CFAP69: variants seen among roughly 807,000 people sequenced by gnomAD.
CFAP69 encodes cilia and flagella associated protein 69, also known as cilia- and flagella-associated protein 69.
In CFAP69, 92 loss-of-function variants were observed where a neutral mutation model predicts 123.0. The ratio of observed to expected loss-of-function variants is 0.75; its 90% CI spans 0.63 to 0.89. CFAP69 has a LOEUF of 0.89. CFAP69 is among the 40% of genes least tolerant of loss of function. The pLI, the probability that CFAP69 is intolerant of heterozygous loss-of-function variation, is 0.00. For missense variants in CFAP69, 1,067 were observed against 1,096.9 expected, an observed-to-expected ratio of 0.97 and a Z score of 0.39; for synonymous variants, 380 against 364.3, an observed-to-expected ratio of 1.04 and a Z score of -0.49.
chr7:90,252,030 T>A (rs1193265636), intron 1 of CFAP69: 1 of 149,106 alleles, frequency 6.7e-6, no homozygotes, highest in African/African-American at 2.5e-5. Context: ...AAAAAAAAAA[T>A]CCTGCATTGA....
intron 6 of CFAP69, chr7:90,269,993 A>G (rs17862138): frequency 0.026 from 3,916 of 152,282 alleles, 60 homozygotes; most frequent in Middle Eastern, 0.047. Flanking sequence ...AAGAAAGGGA[A>G]ACCAGTGGTG....
the CFAP69 span, among the ~76,000 whole-genome samples, chr7:90,322,885 T>C: frequency 2.0e-5 from 3 of 152,116 alleles, no homozygotes; most frequent in South Asian, 4.1e-4. Flanking sequence ...ATAAGGGTAA[T>C]TGACAGAAGA....
At position 90,262,033 on chromosome 7, in the gene CFAP69, A is replaced by C; in HGVS notation, c.333A>C (p.Ala111=). Reference sequence around the variant, plus strand: ...ACCAGCCTCGTTTTATAGAATCTGCATATGATATCATAAAACTGTGTGGGT... The same window carrying C: ...ACCAGCCTCGTTTTATAGAATCTGCCTATGATATCATAAAACTGTGTGGGT... ...IKNQPRFIES[A]YDIIKLCGLP... Residue 111 remains alanine, a synonymous_variant, in exon 4 of 23, where the codon GCA becomes GCC. Coordinates refer to ENST00000389297, the MANE Select transcript of CFAP69 (RefSeq NM_001039706.3). The C allele has an allele frequency of 3.1e-6, 5 of 1,590,224 alleles. No homozygotes were observed. Among genetic ancestry groups the C allele is most frequent in the Non-Finnish European group, 4.3e-6 (5 of 1,169,008 alleles).
intron 1 of CFAP69, among the ~76,000 whole-genome samples, chr7:90,252,964 A>G (rs1459542940): frequency 6.6e-6 from 1 of 152,214 alleles, no homozygotes; most frequent in Admixed American, 6.5e-5. Flanking sequence ...CATGGTATTA[A>G]CTAACACTAA....
intron 3 of CFAP69, among the ~76,000 whole-genome samples, chr7:90,261,477 A>AG (rs1174478044): frequency 6.6e-6 from 1 of 152,222 alleles, no homozygotes; most frequent in Non-Finnish European, 1.5e-5. Context: ...CCTTAAACAC[A>AG]GGAAAATGCA....
intron 15 of CFAP69, among the ~76,000 whole-genome samples, chr7:90,297,234 C>T (rs1792124883): frequency 6.6e-6 from 1 of 152,154 alleles, no homozygotes; most frequent in Admixed American, 6.5e-5. Flanking sequence ...CGTTAATACT[C>T]ACTGGTCAGT....
At chr7:90,263,068 A>C (rs1457143990) in intron 4 of CFAP69, among the ~76,000 whole-genome samples, 1 of 152,178 alleles carries the variant, frequency 6.6e-6, no homozygotes, top group Non-Finnish European at 1.5e-5. Context: ...AAACTTTTAA[A>C]TCTCAAGGCT....
In CFAP69 at chr7:90,258,181, A is replaced by G. The variant is rs377515692; in HGVS notation, c.246+18A>G. 2.7e-6 allele frequency: 4 copies of G among 1,471,432 alleles called. No individual in the cohort carries two copies. Among genetic ancestry groups the G allele is most frequent in the African/African-American group, 2.8e-5 (2 of 71,182 alleles). 91.1% of individuals were successfully genotyped at this position (1,471,432 alleles called of 1,614,324 possible). On this transcript the variant is annotated intron_variant, in intron 3 of 22. Transcript: ENST00000389297. ...ATGGACTTGTATCCTTTACATATAT[A>G]TGTATGTTCATTTCATTTATTCTGA...
chr7:90,298,655 A>G (rs1479530877), intron 16 of CFAP69, among the ~76,000 whole-genome samples: 5 of 152,206 alleles, frequency 3.3e-5, no homozygotes, highest in Admixed American at 3.3e-4. Flanking sequence ...TAAAACAGAG[A>G]TAACAACATT....
chr7:90,281,874 G>C (rs28493882), intron 12 of CFAP69, among the ~76,000 whole-genome samples: 1 of 151,990 alleles, frequency 6.6e-6, no homozygotes, highest in Non-Finnish European at 1.5e-5. Context: ...TAGAATCCAG[G>C]TTCATAAAGA....
intron 14 of CFAP69, chr7:90,287,620 G>T (rs1369838565): frequency 1.5e-5 from 15 of 985,188 alleles, no homozygotes; most frequent in Non-Finnish European, 1.8e-5. Flanking sequence ...TTAAGTGAAC[G>T]CCTGTTTAGC....
chr7:90,314,959 C>G (rs1794654194), downstream of CFAP69, among the ~76,000 whole-genome samples: 1 of 151,792 alleles, frequency 6.6e-6, no homozygotes, highest in African/African-American at 2.4e-5. Context: ...TGAACAGACA[C>G]TTTTCAAAAG....
chr7:90,264,627 T>C (rs1798872850), intron 4 of CFAP69, among the ~76,000 whole-genome samples: 1 of 152,144 alleles, frequency 6.6e-6, no homozygotes, highest in Admixed American at 6.5e-5. Flanking sequence ...TAATTATAGC[T>C]ATAATTTATT....
intron 4 of CFAP69, 69 bp from the exon 5 acceptor site, chr7:90,265,232 C>A: frequency 2.1e-6 from 2 of 951,686 alleles, no homozygotes; most frequent in Non-Finnish European, 3.4e-6. Context: ...CTCTCCCCCA[C>A]TTACAAATGA....
chr7:90,260,768 G>A (rs1460274328), intron 3 of CFAP69, among the ~76,000 whole-genome samples: 1 of 151,942 alleles, frequency 6.6e-6, no homozygotes, highest in Non-Finnish European at 1.5e-5. Flanking sequence ...ATTTTAACCT[G>A]ACATCTCAAC....
At chr7:90,302,750 A>C (rs1183606249) in intron 17 of CFAP69, 1 of 152,104 alleles carries the variant, frequency 6.6e-6, no homozygotes, top group Non-Finnish European at 1.5e-5. Flanking sequence ...AACTTAGGTA[A>C]CGTGATGCCT....
At chr7:90,273,868 A>G (rs1198125144) in intron 8 of CFAP69, 119 bp from the exon 9 acceptor site, 14 of 712,894 alleles carry the variant, frequency 2.0e-5, no homozygotes, top group Non-Finnish European at 2.9e-5. Context: ...TTACCTCCCT[A>G]AGGCCTCACT....
At chr7:90,309,976 C>G in intron 22 of CFAP69, 92 bp from the exon 23 acceptor site, 1 of 1,055,708 alleles carries the variant, frequency 9.5e-7, no homozygotes, top group African/African-American at 1.6e-5. Flanking sequence ...ACATTTGTGT[C>G]TTTTCAAAAG....
chr7:90,303,700 T>A, intron 17 of CFAP69: 6 of 1,006,916 alleles, frequency 6.0e-6, no homozygotes, highest in Non-Finnish European at 6.0e-6. Context: ...ATTATTTACA[T>A]AGAAGTTTTA....
Sources: gnomAD v4.1 joint callset for allele counts (sites outside exome capture counted in the v4.1 genomes callset) on GRCh38, gnomAD v4.1.1 for gene constraint, MANE v1.5 for transcripts, NCBI Gene and HGNC (gene_info 2026-07-23, HGNC 2026-07-21) for gene names.